P2RX3: variants seen among roughly 807,000 people sequenced by gnomAD.
P2RX3 encodes the protein purinergic receptor P2X 3.
A neutral mutation model predicts 51.5 loss-of-function variants in P2RX3; 41 were observed. The observed-to-expected ratio is 0.80, with a 90% confidence interval of 0.62 to 1.03. The LOEUF is 1.03. Ranked by LOEUF, P2RX3 falls within the 50% of genes least tolerant of loss-of-function variation. The pLI, the probability that P2RX3 is intolerant of heterozygous loss-of-function variation, is 0.00. For synonymous variants in P2RX3, 185 were observed against 191.6 expected (o/e 0.97, Z 0.29); for missense variants, 459 against 522.1 (o/e 0.88, Z 1.18).
intron 8 of P2RX3, among the ~76,000 whole-genome samples, chr11:57,354,880 G>C (rs1329361826): frequency 6.6e-6 from 1 of 152,220 alleles, no homozygotes; most frequent in Admixed American, 6.5e-5. Context: ...TGTTTCAAAG[G>C]TGTGGGCAGG....
At chr11:57,351,945 C>T (rs529428333) in intron 8 of P2RX3, among the ~76,000 whole-genome samples, 1 of 152,024 alleles carries the variant, frequency 6.6e-6, no homozygotes, top group African/African-American at 2.4e-5. Context: ...TTTTGAAGAT[C>T]CTGAAGTTTC....
intron 8 of P2RX3, among the ~76,000 whole-genome samples, chr11:57,358,264 G>A (rs932464212): frequency 6.6e-6 from 1 of 152,152 alleles, no homozygotes; most frequent in East Asian, 1.9e-4. Flanking sequence ...ATGTATTCAG[G>A]CATCGGCAGG....
rs1217941751 is a variant in P2RX3, at chr11:57,346,610, C to G, written c.186C>G (p.Thr62=). 6.2e-7 allele frequency: 1 copy of G among 1,614,182 alleles called. No individual in the cohort carries two copies. Among genetic ancestry groups the G allele is most frequent in the Non-Finnish European group, 8.5e-7 (1 of 1,180,032 alleles). The change falls in exon 2 of 12, where the codon ACC becomes ACG. Residue 62 remains threonine, a synonymous_variant. Transcript: ENST00000263314. ...RDTAIESSVV[T]KVKGSGLYAN... The stretch of plus-strand genomic sequence containing the variant: ...CAGCCATTGAGTCCTCGGTGGTAAC[C>G]AAGGTGAAGGGCTCCGGACTCTACG...
At chr11:57,338,729 C>A in intron 1 of P2RX3, 60 bp downstream of exon 1, 1 of 1,157,090 alleles carries the variant, frequency 8.6e-7, no homozygotes, top group Non-Finnish European at 1.3e-6. Context: ...CCGTCTTCAC[C>A]CTCCTGCCTC....
chr11:57,350,724 G>A, intron 7 of P2RX3, 38 bp from the exon 8 acceptor site: 1 of 1,609,850 alleles, frequency 6.2e-7, no homozygotes, highest in Non-Finnish European at 8.5e-7. Flanking sequence ...GGGAGTCAGA[G>A]GGCGAGGGGA....
At chr11:57,342,946 A>G (rs1463598971) in intron 1 of P2RX3, among the ~76,000 whole-genome samples, 1 of 152,178 alleles carries the variant, frequency 6.6e-6, no homozygotes, top group Non-Finnish European at 1.5e-5. Flanking sequence ...CCCACCTGCC[A>G]AGGAGCTGCC....
chr11:57,338,314 T>G, upstream of P2RX3: 1 of 347,296 alleles, frequency 2.9e-6, no homozygotes, highest in Non-Finnish European at 5.4e-6. Flanking sequence ...GGGAGTGGAG[T>G]GGAGACGAAC....
intron 6 of P2RX3, 67 bp from the exon 7 acceptor site, chr11:57,349,690 G>A (rs1856507542): frequency 6.2e-6 from 10 of 1,601,466 alleles, no homozygotes; most frequent in Admixed American, 1.7e-5. Context: ...CCGGAAGGCG[G>A]GGAGAGATTG....
intron 8 of P2RX3, among the ~76,000 whole-genome samples, chr11:57,357,547 C>G (rs1856650120): frequency 6.6e-6 from 1 of 152,176 alleles, no homozygotes; most frequent in South Asian, 2.1e-4. Flanking sequence ...CTCTCAGGAG[C>G]AGAGAGCGAG....
At chr11:57,367,958 C>A in intron 8 of P2RX3, 51 bp from the exon 9 acceptor site, 2 of 1,445,906 alleles carry the variant, frequency 1.4e-6, no homozygotes, top group Non-Finnish European at 1.9e-6. Flanking sequence ...AAGGTTCAGG[C>A]AGGAGAGACA....
intron 1 of P2RX3, among the ~76,000 whole-genome samples, chr11:57,342,985 C>T (rs1431348762): frequency 6.6e-6 from 1 of 152,188 alleles, no homozygotes; most frequent in Non-Finnish European, 1.5e-5. Context: ...AAATAATAAA[C>T]CATGAATGCG....
At chr11:57,336,802 A>G (rs1485412314), upstream of P2RX3, among the ~76,000 whole-genome samples, 1 of 152,248 alleles carries the variant, frequency 6.6e-6, no homozygotes, top group African/African-American at 2.4e-5. Flanking sequence ...TCAATACACC[A>G]GCTTGCTAAA....
At position 57,349,860 on chromosome 11, in the gene P2RX3, A is replaced by C; in HGVS notation, c.667A>C (p.Lys223Gln). ...CPILRVGDVVKFAGQDFAKLA... is the reference protein window; with the variant it reads ...CPILRVGDVVQFAGQDFAKLA... The stretch of plus-strand genomic sequence containing the variant: ...CATCTTGCGGGTAGGGGACGTGGTC[A>C]AGTTTGCGGGGCAGGATTTTGCCAA... The change falls in exon 7 of 12, where the codon AAG becomes CAG. Residue 223 changes from lysine to glutamine, a missense_variant. Lys to Gln is a moderately conservative substitution (Grantham distance 53). Transcript: ENST00000263314. The C allele has an allele frequency of 6.2e-7, 1 of 1,614,212 alleles. No homozygotes were observed. Among genetic ancestry groups the C allele is most frequent in the Non-Finnish European group, 8.5e-7 (1 of 1,180,026 alleles).
chr11:57,365,728 A>G (rs940861331), intron 8 of P2RX3, among the ~76,000 whole-genome samples: 1 of 152,230 alleles, frequency 6.6e-6, no homozygotes, highest in African/African-American at 2.4e-5. Context: ...TGGGGGAGCC[A>G]GGATTTAGAT....
At chr11:57,348,603 A>G (rs1473461842) in intron 5 of P2RX3, 24 bp from the exon 6 acceptor site, 1 of 1,597,164 alleles carries the variant, frequency 6.3e-7, no homozygotes, top group African/African-American at 1.3e-5. Context: ...CTGGAAAGCT[A>G]AGGCCTCCTG....
At chr11:57,337,476 A>C (rs1856255560), upstream of P2RX3, among the ~76,000 whole-genome samples, 4 of 152,142 alleles carry the variant, frequency 2.6e-5, no homozygotes, top group South Asian at 8.3e-4. Context: ...ACACCGTGGA[A>C]TACTATGCAG....
intron 8 of P2RX3, among the ~76,000 whole-genome samples, chr11:57,353,837 T>TCCCC (rs3837409): frequency 1.1e-3 from 139 of 120,950 alleles, no homozygotes; most frequent in African/African-American, 2.5e-3. Context: ...CAAATGTCAC[T>TCCCC]CCCCCCCCCC....
intron 11 of P2RX3, 37 bp downstream of exon 11, chr11:57,369,475 G>A: frequency 1.3e-6 from 2 of 1,585,592 alleles, no homozygotes; most frequent in East Asian, 2.3e-5. Flanking sequence ...ATAAAAGGGA[G>A]AGGGGGCAGG....
chr11:57,350,180 A>C, intron 7 of P2RX3: 2 of 452,870 alleles, frequency 4.4e-6, no homozygotes, highest in Non-Finnish European at 8.0e-6. Context: ...ATCTGTAATA[A>C]GCCCCAAACG....
Sources: gnomAD v4.1 joint callset for allele counts (sites outside exome capture counted in the v4.1 genomes callset) on GRCh38, gnomAD v4.1.1 for gene constraint, MANE v1.5 for transcripts, NCBI Gene and HGNC (gene_info 2026-07-23, HGNC 2026-07-21) for gene names.